The following NPC1 variants were observed in gnomAD, a reference collection of about 807,000 sequenced individuals.
NPC1 encodes Niemann-Pick C1 protein.
A neutral mutation model predicts 140.4 loss-of-function variants in NPC1; 85 were observed. That is an observed-to-expected ratio of 0.61 (90% CI 0.51 to 0.72). NPC1 has a LOEUF of 0.72. NPC1 is among the 30% of genes least tolerant of loss of function. The pLI, the probability that NPC1 is intolerant of heterozygous loss-of-function variation, is 0.00. For missense variants in NPC1, 1,504 were observed against 1,623.8 expected, an observed-to-expected ratio of 0.93 and a Z score of 1.27; for synonymous variants, 656 against 624.8, an observed-to-expected ratio of 1.05 and a Z score of -0.74.
chr18:23,553,988 C>A (rs1356687800), intron 9 of NPC1, among the ~76,000 whole-genome samples: 1 of 152,160 alleles, frequency 6.6e-6, no homozygotes, highest in Non-Finnish European at 1.5e-5. Context: ...AAAGGCTCTT[C>A]TATCTTTAAA....
intron 6 of NPC1, among the ~76,000 whole-genome samples, chr18:23,559,810 C>A (rs914759808): frequency 6.6e-6 from 1 of 152,072 alleles, no homozygotes; most frequent in African/African-American, 2.4e-5. Flanking sequence ...ATTAGTCAGG[C>A]ATGCAGGCAT....
chr18:23,576,586 G>C (rs995474195), intron 1 of NPC1: 1 of 653,010 alleles, frequency 1.5e-6, no homozygotes, highest in Non-Finnish European at 1.9e-6. Flanking sequence ...ATGAAGCCGC[G>C]GACCCTGGCG....
At chr18:23,515,259 A>G (rs1459958881) in intron 3 of NPC1, among the ~76,000 whole-genome samples, 1 of 152,200 alleles carries the variant, frequency 6.6e-6, no homozygotes, top group African/African-American at 2.4e-5. Flanking sequence ...GAAACAGCCT[A>G]CCCAGGCTAT....
intron 1 of NPC1, among the ~76,000 whole-genome samples, chr18:23,578,967 G>A (rs2059325585): frequency 6.6e-6 from 1 of 152,146 alleles, no homozygotes; most frequent in Non-Finnish European, 1.5e-5. Context: ...TGCCTCTTCC[G>A]GAACAATGCT....
chr18:23,586,203 A>G (rs2145603258), intron 1 of NPC1, 84 bp downstream of exon 1: 1 of 1,444,744 alleles, frequency 6.9e-7, no homozygotes, highest in African/African-American at 1.4e-5. Flanking sequence ...CCCGGGCCTG[A>G]GCCGTCGCTG....
intron 1 of NPC1, among the ~76,000 whole-genome samples, chr18:23,580,678 G>C (rs755660620): frequency 6.6e-6 from 1 of 152,214 alleles, no homozygotes; most frequent in Non-Finnish European, 1.5e-5. Context: ...GGCGATGGAG[G>C]AGAGGGGCTT....
intron 7 of NPC1, 184 bp from the exon 8 acceptor site, chr18:23,556,797 A>C: frequency 2.3e-6 from 2 of 884,206 alleles, no homozygotes; most frequent in African/African-American, 1.7e-5. Flanking sequence ...GCTGCCCTCA[A>C]TGAGCGCTAT....
At chr18:23,581,102 G>A (rs771983846) in intron 1 of NPC1, among the ~76,000 whole-genome samples, 4 of 152,168 alleles carry the variant, frequency 2.6e-5, no homozygotes, top group Non-Finnish European at 4.4e-5. Context: ...CTCACCCAAG[G>A]TCATATTACT....
At chr18:23,520,294 C>G, downstream of NPC1, 3 of 1,613,918 alleles carry the variant, frequency 1.9e-6, no homozygotes, top group Non-Finnish European at 2.5e-6. Context: ...CGATCCAGCC[C>G]TATCAGATCC....
Position 23,556,596 on chromosome 18 carries a change from C to G in NPC1, c.973G>C (p.Asp325His). 2 of 1,614,050 alleles carry G rather than the reference C, an allele frequency of 1.2e-6. No individual in the cohort carries two copies. Among genetic ancestry groups the G allele is most frequent in the Non-Finnish European group, 8.5e-7 (1 of 1,179,998 alleles). The change falls in exon 8 of 25, where the codon GAC (aspartate) becomes CAC (histidine). Residue 325 changes from aspartate to histidine, a missense_variant. Physicochemically the swap from Asp to His is moderately conservative, Grantham distance 81. Coordinates refer to ENST00000269228, the MANE Select transcript of NPC1 (RefSeq NM_000271.5). ...CCCTCAAATGCTGCGCTGACAGGGTCACAGCAGGACGCCTCTCCTGGAAGA... is the reference window on the plus strand; with the variant it reads ...CCCTCAAATGCTGCGCTGACAGGGTGACAGCAGGACGCCTCTCCTGGAAGA... ...ASDKGEASCC[D>H]PVSAAFEGCL... is the part of the protein sequence containing the mutation.
chr18:23,535,915 A>G (rs1020124179), intron 21 of NPC1, among the ~76,000 whole-genome samples: 2 of 152,264 alleles, frequency 1.3e-5, no homozygotes, highest in African/African-American at 2.4e-5. Context: ...TGCAAAATGT[A>G]TATTTTTGAT....
intron 3 of NPC1, among the ~76,000 whole-genome samples, chr18:23,517,081 AGATT>A (rs1350332543): frequency 1.3e-5 from 2 of 152,148 alleles, no homozygotes; most frequent in East Asian, 3.8e-4. Context: ...ATAAGAAAAT[AGATT>A]AAGATTTTAT....
intron 17 of NPC1, 25 bp downstream of exon 17, chr18:23,540,417 TAAAAAA>T: frequency 7.8e-6 from 9 of 1,159,964 alleles, no homozygotes; most frequent in Admixed American, 4.1e-5. Flanking sequence ...CTAAAGAAGT[TAAAAAA>T]AAAAAAAAAA....
intron 3 of NPC1, chr18:23,508,008 T>C: frequency 6.2e-7 from 1 of 1,611,362 alleles, no homozygotes; most frequent in Non-Finnish European, 8.5e-7. Context: ...TTATCCCTGA[T>C]AATTCCCAGC....
rs564870276 is a variant in NPC1, at chr18:23,509,862, G to C, written c.432-3220C>G. ...GCGTGAGCCACTGCGCCCGGCCCTG[G>C]CTAATTTTTAAACTTTTTTGTAGAG... On this transcript the variant is annotated intron_variant, in intron 3 of 3. Coordinates refer to the NPC1 transcript ENST00000591107. Among the ~76,000 whole-genome samples the C allele has an allele frequency of 1.6e-4, 24 of 150,444 alleles. No homozygotes were observed. In the South Asian group the frequency reaches 4.4e-3, roughly 28 times the overall value.
At chr18:23,577,250 G>C (rs866559566) in intron 1 of NPC1, among the ~76,000 whole-genome samples, 74 of 56,998 alleles carry the variant, frequency 1.3e-3, no homozygotes, top group African/African-American at 5.3e-3. Flanking sequence ...TAGATACAGA[G>C]TGCCGATTGG....
intron 10 of NPC1, among the ~76,000 whole-genome samples, chr18:23,549,910 T>A (rs34491171): frequency 0.15 from 23,178 of 151,428 alleles, 1,893 homozygotes; most frequent in Middle Eastern, 0.28. Flanking sequence ...TGTGGCTAAT[T>A]TTTTTTGTAT....
chr18:23,543,642 G>A (rs1567954239), intron 13 of NPC1, 73 bp from the exon 14 acceptor site: 4 of 862,726 alleles, frequency 4.6e-6, no homozygotes, highest in Non-Finnish European at 7.6e-6. Context: ...GCTGCCTTGT[G>A]TTAACTCAAG....
At chr18:23,566,321 C>T (rs1411003906) in intron 4 of NPC1, among the ~76,000 whole-genome samples, 1 of 152,174 alleles carries the variant, frequency 6.6e-6, no homozygotes, top group African/African-American at 2.4e-5. Flanking sequence ...GAGGTTGAGG[C>T]TGCAGTGAGC....
Sources: gnomAD v4.1 joint callset for allele counts (sites outside exome capture counted in the v4.1 genomes callset) on GRCh38, gnomAD v4.1.1 for gene constraint, MANE v1.5 for transcripts, NCBI Gene and HGNC (gene_info 2026-07-23, HGNC 2026-07-21) for gene names.